Variants in DTNB observed in about 807,000 individuals in gnomAD.
The protein encoded by DTNB is DTN-B.
DTNB carries 63 observed loss-of-function variants against 90.7 expected under a neutral mutation model. That is an observed-to-expected ratio of 0.69 (90% CI 0.57 to 0.86). DTNB has a LOEUF of 0.86. DTNB is among the 40% of genes least tolerant of loss of function. DTNB has a pLI of 0.00. For missense variants in DTNB, 744 were observed against 807.1 expected, an observed-to-expected ratio of 0.92 and a Z score of 0.95; for synonymous variants, 277 against 286.7, an observed-to-expected ratio of 0.97 and a Z score of 0.34.
intron 5 of DTNB, among the ~76,000 whole-genome samples, chr2:25,604,212 A>C (rs1449654816): frequency 2.0e-5 from 3 of 151,976 alleles, no homozygotes; most frequent in Non-Finnish European, 2.9e-5. Flanking sequence ...ACCAACAACA[A>C]CAAAAAACTC....
chr2:25,496,894 C>T (rs1476707599), intron 9 of DTNB, among the ~76,000 whole-genome samples: 2 of 151,840 alleles, frequency 1.3e-5, no homozygotes, highest in African/African-American at 4.8e-5. Context: ...TAGAAACTCC[C>T]TGGGAAGTTC....
intron 3 of DTNB, among the ~76,000 whole-genome samples, chr2:25,629,982 C>T (rs1022671542): frequency 2.0e-5 from 3 of 151,996 alleles, no homozygotes; most frequent in Admixed American, 6.6e-5. Context: ...ATTTGTAAAC[C>T]ATGCATCCAT....
intron 10 of DTNB, among the ~76,000 whole-genome samples, 152 bp from the exon 11 acceptor site, chr2:25,455,646 G>A (rs1424134704): frequency 1.3e-5 from 2 of 152,192 alleles, no homozygotes; most frequent in Admixed American, 6.5e-5. Flanking sequence ...AATGCATAAT[G>A]GAATATGGTG....
intron 8 of DTNB, among the ~76,000 whole-genome samples, chr2:25,562,847 A>C (rs1158295379): frequency 6.6e-6 from 1 of 151,956 alleles, no homozygotes; most frequent in Non-Finnish European, 1.5e-5. Flanking sequence ...ATCTCAGCTC[A>C]CTGCAACCTC....
At chr2:25,466,880 A>G (rs1374807765) in intron 10 of DTNB, among the ~76,000 whole-genome samples, 1 of 152,234 alleles carries the variant, frequency 6.6e-6, no homozygotes, top group Non-Finnish European at 1.5e-5. Context: ...TCTGGCGACC[A>G]TGTTTCAAAG....
chr2:25,469,376 T>C (rs1007818891), intron 10 of DTNB, among the ~76,000 whole-genome samples: 4 of 152,100 alleles, frequency 2.6e-5, no homozygotes, highest in African/African-American at 4.8e-5. Context: ...GGGGAGAGCA[T>C]TGGAAAATGA....
At chr2:25,379,204 C>T (rs1001125501) in intron 20 of DTNB, 86 bp downstream of exon 20, 21 of 1,249,666 alleles carry the variant, frequency 1.7e-5, no homozygotes, top group Non-Finnish European at 1.9e-5. Context: ...TGGCTAGGGA[C>T]CTGTGACTGC....
intron 16 of DTNB, among the ~76,000 whole-genome samples, chr2:25,402,940 G>C (rs1054000253): frequency 1.2e-4 from 19 of 152,330 alleles, no homozygotes; most frequent in African/African-American, 4.6e-4. Flanking sequence ...AAGGAAGAAG[G>C]TGTATTAAAT....
chr2:25,460,147 C>T (rs2060708145), intron 10 of DTNB, among the ~76,000 whole-genome samples: 2 of 151,876 alleles, frequency 1.3e-5, no homozygotes, highest in South Asian at 4.2e-4. Context: ...ATCTCATAGT[C>T]AGGAAGTGGA....
chr2:25,508,274 CAG>C (rs1476096595), intron 9 of DTNB, among the ~76,000 whole-genome samples: 1 of 151,944 alleles, frequency 6.6e-6, no homozygotes, highest in Non-Finnish European at 1.5e-5. Context: ...GACTGATAAA[CAG>C]AGAAAATCTG....
rs553679069 is a variant in DTNB, at chr2:25,461,100, T to C, written c.1080-5606A>G. Among the ~76,000 whole-genome samples, 26 of 152,222 alleles carry C rather than the reference T, an allele frequency of 1.7e-4. No individual in the cohort carries two copies. The East Asian group carries it at 2.7e-3, about 16-fold the overall frequency. On this transcript the variant is annotated intron_variant, in intron 10 of 20. Coordinates refer to ENST00000406818, the MANE Select transcript of DTNB (RefSeq NM_021907.5). ...TGTATTTTTAGTAGAGATGGGGTTT[T>C]GCCATGTTGGCCAGGCTGGTCTTGT...
intron 10 of DTNB, among the ~76,000 whole-genome samples, chr2:25,481,411 TAA>T (rs5829978): frequency 7.1e-6 from 1 of 141,754 alleles, no homozygotes; most frequent in African/African-American, 2.6e-5. Flanking sequence ...TCTCCAAATT[TAA>T]AAAAAAAAAA....
intron 19 of DTNB, among the ~76,000 whole-genome samples, chr2:25,380,189 C>A (rs768874934): frequency 2.5e-4 from 38 of 152,140 alleles, no homozygotes; most frequent in Non-Finnish European, 4.7e-4. Context: ...TGGTGCTGAC[C>A]AAATTCTGTT....
At chr2:25,473,352 T>TATGGCCCA (rs764474534) in intron 10 of DTNB, among the ~76,000 whole-genome samples, 26 of 152,254 alleles carry the variant, frequency 1.7e-4, no homozygotes, top group Non-Finnish European at 2.9e-4. Context: ...TGTGCCAGGC[T>TATGGCCCA]ATGGCCCATC....
intron 9 of DTNB, among the ~76,000 whole-genome samples, chr2:25,531,192 C>CA (rs1339380550): frequency 6.6e-6 from 1 of 152,160 alleles, no homozygotes; most frequent in African/African-American, 2.4e-5. Flanking sequence ...TCACAAAAGG[C>CA]AGCCCAGCTA....
intron 5 of DTNB, 58 bp from the exon 6 acceptor site, chr2:25,596,298 T>C (rs2064620428): frequency 6.6e-7 from 1 of 1,510,116 alleles, no homozygotes; most frequent in Non-Finnish European, 8.8e-7. Context: ...TTTTTATAAA[T>C]GGCTCTATGT....
chr2:25,509,746 C>CTTTTTTTT (rs36101268), intron 9 of DTNB, among the ~76,000 whole-genome samples: 10 of 83,722 alleles, frequency 1.2e-4, no homozygotes, highest in Non-Finnish European at 1.6e-4. Flanking sequence ...CTTTTAGATT[C>CTTTTTTTT]TTTTTTTTTT....
intron 6 of DTNB, among the ~76,000 whole-genome samples, chr2:25,592,380 G>T (rs2063739367): frequency 6.6e-6 from 1 of 151,830 alleles, no homozygotes; most frequent in African/African-American, 2.4e-5. Context: ...AAACCACCAG[G>T]GCTTCTTGCA....
chr2:25,475,896 TGTTGAGACCTACTGTTCAGAAAAAA>T (rs1200899982), intron 10 of DTNB, among the ~76,000 whole-genome samples: 1 of 152,186 alleles, frequency 6.6e-6, no homozygotes, highest in Admixed American at 6.5e-5. Flanking sequence ...TTAAGCCTAC[TGTTGAGACCTACTGTTCAGAAAAAA>T]AGATTGCTTT....
Sources: allele counts gnomAD v4.1 joint callset (sites outside exome capture counted in the v4.1 genomes callset), GRCh38; gene constraint gnomAD v4.1.1; transcripts MANE v1.5; gene names NCBI Gene and HGNC (gene_info 2026-07-23, HGNC 2026-07-21).